The following NCOR2 variants were observed in gnomAD, a reference collection of about 807,000 sequenced individuals.
NCOR2 encodes CTG repeat protein 26.
A neutral mutation model predicts 262.9 loss-of-function variants in NCOR2; 81 were observed. The ratio of observed to expected loss-of-function variants is 0.31; its 90% CI spans 0.26 to 0.37. The LOEUF is 0.37. NCOR2 is among the 10% of genes least tolerant of loss of function. The pLI, the probability that NCOR2 is intolerant of heterozygous loss-of-function variation, is 1.00. For synonymous variants in NCOR2, 1,659 were observed against 1,559.3 expected (o/e 1.06, Z -1.51); for missense variants, 3,385 against 3,621.4 (o/e 0.93, Z 1.68).
intron 3 of NCOR2, among the ~76,000 whole-genome samples, chr12:124,473,996 G>A (rs1179108019): frequency 6.6e-6 from 1 of 152,120 alleles, no homozygotes; most frequent in Non-Finnish European, 1.5e-5. Context: ...AAATGCTCTT[G>A]CTACATGAAT....
intron 13 of NCOR2, among the ~76,000 whole-genome samples, chr12:124,407,510 G>A (rs2042341349): frequency 6.6e-6 from 1 of 151,996 alleles, no homozygotes. Context: ...GAGCCCCCGG[G>A]GACCTTTCTC....
At chr12:124,425,113 G>A (rs1291756853) in intron 11 of NCOR2, among the ~76,000 whole-genome samples, 10 of 152,178 alleles carry the variant, frequency 6.6e-5, no homozygotes, top group African/African-American at 2.4e-4. Context: ...GGTGGCTCAC[G>A]CCTATAATCT....
chr12:124,558,266 A>ACCCCCCCCCCCCCC (rs11428567), intron 1 of NCOR2, among the ~76,000 whole-genome samples: 3 of 112,992 alleles, frequency 2.7e-5, no homozygotes, highest in South Asian at 6.0e-4. Context: ...TCTCCCACCC[A>ACCCCCCCCCCCCCC]CCCCCCCTCC....
Position 124,481,535 on chromosome 12 carries a change from G to A in NCOR2, c.411+2061C>T, listed in dbSNP as rs981696591. ...GGAAGGAGCGAGGAAAGAGGAATGT[G>A]CCTGGGGGAGGGCGCTCCTGCGGAG... On this transcript the variant is annotated intron_variant, in intron 3 of 46. Coordinates refer to ENST00000405201, the Ensembl canonical transcript of NCOR2. This position sits in a 1 kb window ranked among gnomAD's most constrained non-coding sequence, Gnocchi z 4.6. Among the ~76,000 whole-genome samples the A allele has an allele frequency of 2.0e-5, 3 of 152,196 alleles. No homozygotes were observed. The highest frequency in any genetic ancestry group is 2.0e-4 in the Admixed American group (3 of 15,292).
intron 17 of NCOR2, among the ~76,000 whole-genome samples, chr12:124,384,557 A>G (rs868099746): frequency 4.6e-5 from 7 of 152,168 alleles, no homozygotes; most frequent in Non-Finnish European, 7.4e-5. Flanking sequence ...CCGCGCGCAC[A>G]CATGACTCAC....
intron 28 of NCOR2, among the ~76,000 whole-genome samples, chr12:124,350,296 T>A (rs1046081333): frequency 1.3e-5 from 2 of 152,084 alleles, no homozygotes; most frequent in African/African-American, 4.8e-5. Flanking sequence ...GCTGGAGGCC[T>A]GGCGGCGTGA....
chr12:124,329,048 C>T, intron 44 of NCOR2: 1 of 464,604 alleles, frequency 2.2e-6, no homozygotes, highest in Non-Finnish European at 4.4e-6. Context: ...GAGTCCGTGA[C>T]CTGATGGAGC....
chr12:124,552,945 A>G (rs117338341), intron 1 of NCOR2, among the ~76,000 whole-genome samples: 8,177 of 152,282 alleles, frequency 0.054, 287 homozygotes, highest in Middle Eastern at 0.085. Context: ...TCAGCCTCAC[A>G]AAGTGCTGGG....
chr12:124,489,638 G>A (rs2047971496), intron 1 of NCOR2, among the ~76,000 whole-genome samples: 2 of 150,602 alleles, frequency 1.3e-5, no homozygotes, highest in South Asian at 2.1e-4. Context: ...TGGCCTCAGA[G>A]GGTTCTCCCT....
intron 1 of NCOR2, among the ~76,000 whole-genome samples, chr12:124,515,647 A>G (rs949219542): frequency 3.0e-5 from 2 of 66,360 alleles, no homozygotes; most frequent in Non-Finnish European, 4.1e-5. Context: ...GTGAGTGTGC[A>G]TATGAGTGTG....
chr12:124,529,291 AC>A (rs978161661), intron 1 of NCOR2, among the ~76,000 whole-genome samples: 1 of 149,182 alleles, frequency 6.7e-6, no homozygotes, highest in African/African-American at 2.5e-5. Flanking sequence ...ACATGGCAAA[AC>A]CCCGTCTCTA....
chr12:124,326,529 C>A (rs1393327683), intron 45 of NCOR2, among the ~76,000 whole-genome samples, 159 bp from the exon 48 acceptor site: 1 of 152,174 alleles, frequency 6.6e-6, no homozygotes, highest in Non-Finnish European at 1.5e-5. Context: ...CCCGCCCCAG[C>A]TGGGAAGCCA....
Position 124,458,179 on chromosome 12 carries a change from C to G in NCOR2, c.706-1017G>C, listed in dbSNP as rs368177852. Among the ~76,000 whole-genome samples, 451 of 152,340 alleles carry G rather than the reference C, an allele frequency of 3.0e-3. 2 individuals are homozygous for G. Among genetic ancestry groups the G allele is most frequent in the African/African-American group, 0.01 (428 of 41,584 alleles). On this transcript the variant is annotated intron_variant, in intron 5 of 46. Coordinates refer to ENST00000405201, the Ensembl canonical transcript of NCOR2. ...TCACCATCACCATACTGAAACTGTC[C>G]CCAGTGACCCCAAACCAGATTGGCC...
rs996892051 is a variant in NCOR2, at chr12:124,332,578, C to T, written c.6756-111G>A. 4 of 1,382,116 alleles carry T rather than the reference C, an allele frequency of 2.9e-6. No individual in the cohort carries two copies. The East Asian group carries it at 7.1e-5, about 24-fold the overall frequency. The allele number at this position is 1,382,116 out of a possible 1,614,324, so 85.6% of individuals were successfully genotyped here. A position where few individuals can be genotyped will look rare whatever the true frequency, so the allele number is the denominator to read the frequency against. ...CTTAGACATTTGGAAGCAAGCTTCA[C>T]CCGCCCCCACGCCTGCATCCCCTGC... is the stretch of plus-strand genomic sequence containing the variant. On this transcript the variant is annotated intron_variant, in intron 42 of 46. Coordinates refer to ENST00000405201, the Ensembl canonical transcript of NCOR2.
chr12:124,330,652 T>C (rs2035103677), intron 44 of NCOR2, among the ~76,000 whole-genome samples, 193 bp downstream of exon 46: 1 of 152,224 alleles, frequency 6.6e-6, no homozygotes, highest in Non-Finnish European at 1.5e-5. Context: ...GCGAGGATCC[T>C]GTCTACACAG....
exon 37 of NCOR2, chr12:124,340,126 T>C: frequency 6.2e-7 from 1 of 1,611,952 alleles, no homozygotes; most frequent in Non-Finnish European, 8.5e-7. Context: ...GGGCGAGTGC[T>C]GGTGGGCATG....
intron 13 of NCOR2, among the ~76,000 whole-genome samples, chr12:124,416,552 A>ACCCGCGGCACAGATAGAC (rs1464257397): frequency 7.1e-6 from 1 of 140,798 alleles, no homozygotes; most frequent in South Asian, 2.4e-4. Context: ...GCACAGGGAG[A>ACCCGCGGCACAGATAGAC]CCCGCGGCAC....
At chr12:124,470,058 C>T (rs763978307) in intron 4 of NCOR2, among the ~76,000 whole-genome samples, 4 of 151,456 alleles carry the variant, frequency 2.6e-5, no homozygotes, top group Non-Finnish European at 5.9e-5. Flanking sequence ...CCCAGCTACT[C>T]AGAAGGCTGA....
At chr12:124,343,077 C>G in exon 33 of NCOR2, 1 of 1,612,384 alleles carries the variant, frequency 6.2e-7, no homozygotes, top group Non-Finnish European at 8.5e-7. Context: ...CGATACAGGT[C>G]CACGCCACTC....
Sources: allele counts gnomAD v4.1 joint callset (sites outside exome capture counted in the v4.1 genomes callset), GRCh38; gene constraint gnomAD v4.1.1; non-coding constraint Gnocchi (gnomAD v3.1); transcripts MANE v1.5; gene names NCBI Gene and HGNC (gene_info 2026-07-23, HGNC 2026-07-21).